Variants in LRRC37A2 observed in about 807,000 individuals in gnomAD.
The protein encoded by LRRC37A2 is leucine rich repeat containing 37 member A2, also known as leucine-rich repeat-containing protein 37A2.
A neutral mutation model predicts 68.8 loss-of-function variants in LRRC37A2; 9 were observed. The observed-to-expected ratio is 0.13, with a 90% CI of 0.08 to 0.23. The LOEUF is 0.23. Ranked by LOEUF, LRRC37A2 falls within the 10% of genes least tolerant of loss-of-function variation. The pLI is 1.00. For synonymous variants in LRRC37A2, 63 were observed against 367.6 expected, an observed-to-expected ratio of 0.17 and a Z score of 9.48; for missense variants, 168 against 950.4, an observed-to-expected ratio of 0.18 and a Z score of 10.82.
At chr17:46,721,378 C>T in the LRRC37A2 span, among the ~76,000 whole-genome samples, 2 of 152,190 alleles carry the variant, frequency 1.3e-5, no homozygotes, top group African/African-American at 4.8e-5. Flanking sequence ...TGATGCCACT[C>T]TTTCCCACAT....
chr17:46,979,851 C>A, the LRRC37A2 span, among the ~76,000 whole-genome samples: 1,816 of 140,888 alleles, frequency 0.013, 37 homozygotes, highest in African/African-American at 0.046. Flanking sequence ...ACATGAATTA[C>A]CGAAATTACT....
At chr17:46,516,482 C>T (rs1269032512) in intron 2 of LRRC37A2, among the ~76,000 whole-genome samples, 3 of 143,642 alleles carry the variant, frequency 2.1e-5, no homozygotes, top group Non-Finnish European at 3.0e-5. Context: ...AAAGAGTAGC[C>T]ATAATTTGTT....
the LRRC37A2 span, among the ~76,000 whole-genome samples, chr17:46,913,884 C>T: frequency 3.3e-5 from 5 of 152,218 alleles, no homozygotes; most frequent in African/African-American, 7.2e-5. Context: ...CTCAGCCTCC[C>T]GAGTAGTTGG....
chr17:46,789,141 G>C, the LRRC37A2 span, among the ~76,000 whole-genome samples: 1 of 152,134 alleles, frequency 6.6e-6, no homozygotes, highest in Non-Finnish European at 1.5e-5. Flanking sequence ...GTCTTGCAAG[G>C]ACTCTTACCT....
the LRRC37A2 span, chr17:46,769,826 G>C: frequency 6.2e-7 from 1 of 1,613,082 alleles, no homozygotes; most frequent in Non-Finnish European, 8.5e-7. Context: ...GGCCGAGCGC[G>C]CGTCCGGCCT....
At chr17:46,986,690 CGGA>C in the LRRC37A2 span, among the ~76,000 whole-genome samples, 1 of 152,112 alleles carries the variant, frequency 6.6e-6, no homozygotes, top group South Asian at 2.1e-4. Context: ...TCTGAGACCG[CGGA>C]GAAGTGAGAG....
At chr17:46,883,135 C>T in the LRRC37A2 span, among the ~76,000 whole-genome samples, 55 of 152,050 alleles carry the variant, frequency 3.6e-4, no homozygotes, top group Non-Finnish European at 7.4e-4. Context: ...CCCGCCACCA[C>T]GCCCGGCTAA....
At chr17:46,787,114 AT>A in the LRRC37A2 span, among the ~76,000 whole-genome samples, 1 of 151,718 alleles carries the variant, frequency 6.6e-6, no homozygotes, top group Non-Finnish European at 1.5e-5. Context: ...AGTTTTTAAA[AT>A]TTTTTGTAGA....
chr17:46,609,111 C>CTT, the LRRC37A2 span, among the ~76,000 whole-genome samples: 1,861 of 147,642 alleles, frequency 0.013, 18 homozygotes, highest in African/African-American at 0.047. Flanking sequence ...TAGTGGGTAT[C>CTT]TGTGGTTGAG....
the LRRC37A2 span, chr17:46,710,852 A>G: frequency 2.2e-6 from 2 of 900,368 alleles, no homozygotes; most frequent in Admixed American, 7.0e-5. Context: ...TTTTATATTA[A>G]TATGGGATAG....
the LRRC37A2 span, among the ~76,000 whole-genome samples, chr17:46,892,590 A>G: frequency 1.3e-5 from 2 of 152,088 alleles, no homozygotes; most frequent in Non-Finnish European, 2.9e-5. Context: ...CCATCTGTCC[A>G]TCTCTCTCCC....
At chr17:46,667,442 G>A in the LRRC37A2 span, among the ~76,000 whole-genome samples, 15 of 148,600 alleles carry the variant, frequency 1.0e-4, no homozygotes, top group African/African-American at 3.5e-4. Flanking sequence ...GGTGATAGAC[G>A]ATGTCAGGTT....
At chr17:46,742,484 A>C in the LRRC37A2 span, among the ~76,000 whole-genome samples, 1 of 152,262 alleles carries the variant, frequency 6.6e-6, no homozygotes, top group Non-Finnish European at 1.5e-5. Flanking sequence ...GTCCTGATGA[A>C]GGAGAACTAG....
the LRRC37A2 span, among the ~76,000 whole-genome samples, chr17:46,842,172 C>T: frequency 1.3e-3 from 203 of 152,330 alleles, 1 homozygote; most frequent in East Asian, 0.035. Context: ...TATTTAGGTC[C>T]TTGGGCAGGC....
chr17:46,977,902 T>C, the LRRC37A2 span, among the ~76,000 whole-genome samples: 6 of 152,388 alleles, frequency 3.9e-5, no homozygotes, highest in African/African-American at 1.4e-4. Flanking sequence ...TATCCAGTGA[T>C]TTAATTAATC....
At chr17:46,860,231 G>C in the LRRC37A2 span, among the ~76,000 whole-genome samples, 2 of 152,148 alleles carry the variant, frequency 1.3e-5, no homozygotes, top group Non-Finnish European at 2.9e-5. Context: ...GGCTGAGGAC[G>C]GGAAGGAGGA....
At chr17:46,558,007 T>C (rs1487746749), downstream of LRRC37A2, among the ~76,000 whole-genome samples, 2 of 136,602 alleles carry the variant, frequency 1.5e-5, no homozygotes, top group Non-Finnish European at 3.1e-5. Flanking sequence ...TTAGCCCTCA[T>C]TGAAAAAGGC....
At chr17:46,940,603 G>C in the LRRC37A2 span, 1 of 1,614,158 alleles carries the variant, frequency 6.2e-7, no homozygotes, top group Non-Finnish European at 8.5e-7. Flanking sequence ...AGGTCTGCAG[G>C]GAGCAGCTGA....
At chr17:46,810,288 G>A in the LRRC37A2 span, among the ~76,000 whole-genome samples, 6 of 152,066 alleles carry the variant, frequency 3.9e-5, no homozygotes, top group South Asian at 6.2e-4. Flanking sequence ...GATTACAGGC[G>A]TAAGCCCCAT....
Sources: allele counts gnomAD v4.1 joint callset (sites outside exome capture counted in the v4.1 genomes callset), GRCh38; gene constraint gnomAD v4.1.1; transcripts MANE v1.5; gene names NCBI Gene and HGNC (gene_info 2026-07-23, HGNC 2026-07-21).